The following MAP4K5 variants were observed in gnomAD, a reference collection of about 807,000 sequenced individuals.
MAP4K5 encodes the protein mitogen-activated protein kinase kinase kinase kinase 5, also known as MAPK/ERK kinase kinase kinase 5.
MAP4K5 carries 82 observed loss-of-function variants against 135.6 expected under a neutral mutation model. The ratio of observed to expected loss-of-function variants is 0.60; its 90% CI spans 0.51 to 0.73. The LOEUF is 0.73. Among genes scored for constraint, MAP4K5 ranks in the 30% least tolerant of loss-of-function variants. The pLI is 0.00. For synonymous variants in MAP4K5, 347 were observed against 335.0 expected (o/e 1.04, Z -0.39); for missense variants, 907 against 1,010.9 (o/e 0.90, Z 1.39).
chr14:50,440,053 A>G lies in MAP4K5; in HGVS notation c.1665T>C (p.Thr555=). ...AAGTATTATTGATAACATACAGCCA[A>G]GTACACTTCCGTGGAAATAACTAAG... ...TMEQLFPRKC[T]WLYVINNTLM... is the part of the protein sequence containing the mutation. Residue 555 remains threonine (T), a synonymous_variant, in exon 23 of 33, where the codon ACT becomes ACC. Coordinates refer to ENST00000682126, the MANE Select transcript of MAP4K5 (RefSeq NM_006575.6). The G allele has an allele frequency of 9.1e-6, 14 of 1,537,896 alleles. No homozygotes were observed. Among genetic ancestry groups the G allele is most frequent in the South Asian group, 2.4e-5 (2 of 83,502 alleles).
intron 4 of MAP4K5, 168 bp from the exon 5 acceptor site, chr14:50,485,810 CTTTGTTCCCATCT>C (rs2037351192): frequency 1.8e-6 from 1 of 565,276 alleles, no homozygotes. Context: ...TTAATTTCAG[CTTTGTTCCCATCT>C]TCAGTGGTTT....
In MAP4K5 at chr14:50,418,721, T is replaced by C. The variant is rs1423455277; in HGVS notation, c.*1298A>G. The C allele has an allele frequency of 6.6e-6, 1 of 152,310 alleles. No individual in the cohort carries two copies. Among genetic ancestry groups the C allele is most frequent in the Non-Finnish European group, 1.5e-5 (1 of 68,012 alleles). 9.4% of individuals were successfully genotyped at this position (152,310 alleles called of 1,614,324 possible). On this transcript the variant is annotated 3_prime_UTR_variant, in exon 33 of 33. Transcript: ENST00000682126. ...TGCTAAATACTGAATGAGATACTTA[T>C]ACTGTTTTCCTCTTAAGTAATTAGT... is the stretch of plus-strand genomic sequence containing the variant.
Position 50,445,022 on chromosome 14 carries a change from C to T in MAP4K5, c.1339+19G>A. 1 of 1,607,478 alleles carries T rather than the reference C, an allele frequency of 6.2e-7. No homozygotes were observed. Among genetic ancestry groups the T allele is most frequent in the Non-Finnish European group, 8.5e-7 (1 of 1,176,936 alleles). ...TCTAGCCATATGTACCCCATGGCTG[C>T]TAATAATGCTAGCCATACCAATAGA... On this transcript the variant is annotated intron_variant, in intron 18 of 32. Coordinates refer to ENST00000682126, the MANE Select transcript of MAP4K5 (RefSeq NM_006575.6).
intron 31 of MAP4K5, among the ~76,000 whole-genome samples, chr14:50,424,645 G>A (rs781181534): frequency 6.7e-6 from 1 of 149,216 alleles, no homozygotes; most frequent in Admixed American, 6.7e-5. Context: ...AGGAGGTGGA[G>A]GTTGCAGTGA....
At chr14:50,475,854 T>C (rs2037085462) in intron 8 of MAP4K5, among the ~76,000 whole-genome samples, 1 of 152,202 alleles carries the variant, frequency 6.6e-6, no homozygotes. Flanking sequence ...AGTTTAACAG[T>C]TTTTCTATTG....
intron 3 of MAP4K5, among the ~76,000 whole-genome samples, chr14:50,487,813 C>A (rs527830406): frequency 1.3e-5 from 2 of 152,242 alleles, no homozygotes; most frequent in African/African-American, 2.4e-5. Context: ...TCGCGGGCAC[C>A]AGAATACTTT....
intron 2 of MAP4K5, among the ~76,000 whole-genome samples, chr14:50,523,299 G>C (rs997602862): frequency 4.6e-5 from 7 of 151,660 alleles, no homozygotes; most frequent in East Asian, 1.9e-4. Context: ...CAACAAGAGC[G>C]AAACTCTGTC....
At chr14:50,420,828 C>T (rs938623896) in intron 32 of MAP4K5, among the ~76,000 whole-genome samples, 1 of 151,660 alleles carries the variant, frequency 6.6e-6, no homozygotes, top group African/African-American at 2.4e-5. Flanking sequence ...GAAATGGGGC[C>T]CCTCTCCCTA....
At chr14:50,558,865 G>A (rs2038797919) in intron 1 of MAP4K5, among the ~76,000 whole-genome samples, 1 of 152,210 alleles carries the variant, frequency 6.6e-6, no homozygotes, top group South Asian at 2.1e-4. Flanking sequence ...ACTCTGTTGA[G>A]CACAGACTTC....
intron 1 of MAP4K5, among the ~76,000 whole-genome samples, chr14:50,553,044 C>G (rs1422660168): frequency 2.0e-5 from 3 of 152,118 alleles, no homozygotes; most frequent in African/African-American, 7.2e-5. Flanking sequence ...CCTGTAATCT[C>G]AGCACTTTGG....
intron 28 of MAP4K5, among the ~76,000 whole-genome samples, chr14:50,431,428 G>A (rs1034620880): frequency 3.3e-5 from 5 of 152,010 alleles, no homozygotes; most frequent in Non-Finnish European, 7.4e-5. Context: ...ACAGTCCCCA[G>A]AGTGTGATGT....
chr14:50,535,654 A>T (rs1354344727), upstream of MAP4K5, among the ~76,000 whole-genome samples: 2 of 152,218 alleles, frequency 1.3e-5, no homozygotes, highest in African/African-American at 2.4e-5. Flanking sequence ...GGCAATTTTT[A>T]TATAATTTGT....
intron 2 of MAP4K5, among the ~76,000 whole-genome samples, chr14:50,505,860 T>C (rs764094561): frequency 1.3e-5 from 2 of 152,242 alleles, no homozygotes; most frequent in Non-Finnish European, 2.9e-5. Context: ...TATAGTCTTT[T>C]CATTATTTAA....
chr14:50,498,014 G>A (rs1424894005), intron 3 of MAP4K5, among the ~76,000 whole-genome samples: 1 of 152,190 alleles, frequency 6.6e-6, no homozygotes, highest in Non-Finnish European at 1.5e-5. Flanking sequence ...AGAGAGGGAA[G>A]GGAAAGTAGG....
At chr14:50,543,367 G>C (rs2140148929) in intron 1 of MAP4K5, among the ~76,000 whole-genome samples, 1 of 152,334 alleles carries the variant, frequency 6.6e-6, no homozygotes, top group East Asian at 1.9e-4. Flanking sequence ...ATAGAGGGAA[G>C]AGTGACCTGT....
chr14:50,553,046 G>A (rs1183651270), intron 1 of MAP4K5, among the ~76,000 whole-genome samples: 2 of 152,138 alleles, frequency 1.3e-5, no homozygotes, highest in Admixed American at 6.5e-5. Flanking sequence ...TGTAATCTCA[G>A]CACTTTGGGA....
chr14:50,549,430 T>C (rs2038674733), intron 1 of MAP4K5, among the ~76,000 whole-genome samples: 1 of 152,148 alleles, frequency 6.6e-6, no homozygotes, highest in Admixed American at 6.5e-5. Context: ...CCAAGTCACA[T>C]ACATAAACCC....
chr14:50,556,579 A>G (rs1214915738), intron 1 of MAP4K5, among the ~76,000 whole-genome samples: 5 of 152,168 alleles, frequency 3.3e-5, no homozygotes, highest in African/African-American at 1.2e-4. Flanking sequence ...TGAATTCTAA[A>G]ACATTTTCAT....
chr14:50,512,517 C>T (rs1201603178), intron 2 of MAP4K5, among the ~76,000 whole-genome samples: 1 of 152,128 alleles, frequency 6.6e-6, no homozygotes, highest in Non-Finnish European at 1.5e-5. Flanking sequence ...ATACAAACTA[C>T]AGCTCCCGCT....
Sources: allele counts gnomAD v4.1 joint callset (sites outside exome capture counted in the v4.1 genomes callset), GRCh38; gene constraint gnomAD v4.1.1; transcripts MANE v1.5; gene names NCBI Gene and HGNC (gene_info 2026-07-23, HGNC 2026-07-21).